The following MFSD8 variants were observed in gnomAD, a reference collection of about 807,000 sequenced individuals.
The protein encoded by MFSD8 is major facilitator superfamily domain containing 8.
Under a neutral mutation model 66.4 loss-of-function variants are expected in MFSD8, and 55 were observed. The observed-to-expected ratio is 0.83, with a 90% CI of 0.67 to 1.04. The LOEUF (loss-of-function observed/expected upper bound fraction) is 1.04, where lower values mean the gene tolerates loss of function less well. Among genes scored for constraint, MFSD8 ranks in the 50% least tolerant of loss-of-function variants. The pLI is 0.00. For synonymous variants in MFSD8, 202 were observed against 212.8 expected, an observed-to-expected ratio of 0.95 and a Z score of 0.44; for missense variants, 550 against 627.6, an observed-to-expected ratio of 0.88 and a Z score of 1.32.
In MFSD8 at chr4:127,930,156, G is replaced by C. The variant is rs144498398; in HGVS notation, c.998+527C>G. On this transcript the variant is annotated intron_variant, in intron 9 of 11. Coordinates refer to ENST00000641686, the MANE Select transcript of MFSD8 (RefSeq NM_001371596.2). ...AGCTATTCAGGAGGCTGAGATGAGA[G>C]GATCTCTTGAGCCCATCAGGCTGCA... 7.6e-3 allele frequency among the ~76,000 whole-genome samples: 1,151 copies of C among 152,194 alleles called. 10 individuals carry two copies. The highest frequency in any genetic ancestry group is 9.3e-3 in the Non-Finnish European group (631 of 68,016).
Position 127,919,896 on chromosome 4 carries a change from T to C in MFSD8, c.*734A>G, listed in dbSNP as rs1027710245. 10 of 152,126 alleles carry C rather than the reference T, an allele frequency of 6.6e-5. No individual in the cohort carries two copies. The highest frequency in any genetic ancestry group is 1.3e-4 in the Non-Finnish European group (9 of 68,034). The allele number at this position is 152,126 out of a possible 1,614,324, so 9.4% of individuals were successfully genotyped here. A position where few individuals can be genotyped will look rare whatever the true frequency, so the allele number is the denominator to read the frequency against. ...TGTTTCTAATGTGAATTTTTGGCAT[T>C]TGAAAGAAAGTAGGTATCCCTATTA... On this transcript the variant is annotated 3_prime_UTR_variant, in exon 12 of 12. Coordinates refer to ENST00000641686, the MANE Select transcript of MFSD8 (RefSeq NM_001371596.2).
intron 4 of MFSD8, 92 bp downstream of exon 4, chr4:127,943,660 G>C: frequency 6.8e-7 from 1 of 1,471,332 alleles, no homozygotes; most frequent in Non-Finnish European, 9.5e-7. Context: ...TGAAATATGA[G>C]TTTAAAAGGG....
chr4:127,939,898 G>A lies in MFSD8; in HGVS notation c.653C>T (p.Ala218Val). Reference sequence around the variant, plus strand: ...AATAATATTTAAAATTCCCAGGAAGGCGCTAAGTAAAACTGGTGTTGTATA... The same window carrying A: ...AATAATATTTAAAATTCCCAGGAAGACGCTAAGTAAAACTGGTGTTGTATA... Reference protein sequence around the residue: ...NMYTTPVLLSAFLGILNIILI... With the variant: ...NMYTTPVLLSVFLGILNIILI... The change falls in exon 6 of 12, where the codon GCC becomes GTC. Residue 218 changes from alanine to valine, a missense_variant. Transcript: ENST00000641686. 3.7e-6 allele frequency: 6 copies of A among 1,613,396 alleles called. No homozygotes were observed. The highest frequency in any genetic ancestry group is 1.1e-5 in the South Asian group (1 of 91,036).
chr4:127,945,806 C>T (rs898974445), intron 3 of MFSD8, among the ~76,000 whole-genome samples: 1 of 151,698 alleles, frequency 6.6e-6, no homozygotes, highest in Admixed American at 6.6e-5. Context: ...CTTCATTTGT[C>T]ATCTCTACTA....
intron 7 of MFSD8, among the ~76,000 whole-genome samples, chr4:127,936,164 G>A (rs1282999285): frequency 2.6e-5 from 4 of 151,974 alleles, no homozygotes; most frequent in African/African-American, 7.2e-5. Flanking sequence ...ACCCAGGCTG[G>A]AGTACGTGGC....
At position 127,944,041 on chromosome 4, in the gene MFSD8, TA is replaced by T; in HGVS notation, c.199-50del. On this transcript the variant is annotated intron_variant, in intron 3 of 11. Coordinates refer to ENST00000641686, the MANE Select transcript of MFSD8 (RefSeq NM_001371596.2). The stretch of plus-strand genomic sequence containing the variant: ...TAAGAATTGTTATCCAAGAAAAGTT[TA>T]AAACTAAATACATTTGTCATACCAT... 1.9e-6 allele frequency: 3 copies of T among 1,611,010 alleles called. No individual in the cohort carries two copies. The African/African-American group carries it at 4.0e-5, about 21-fold the overall frequency.
chr4:127,953,686 T>C (rs1188090137), intron 2 of MFSD8, among the ~76,000 whole-genome samples: 1 of 150,054 alleles, frequency 6.7e-6, no homozygotes, highest in East Asian at 2.0e-4. Context: ...GGTTTCACCA[T>C]ATTGGCCAGA....
At chr4:127,953,521 T>G (rs1353800936) in intron 2 of MFSD8, among the ~76,000 whole-genome samples, 1 of 150,222 alleles carries the variant, frequency 6.7e-6, no homozygotes. Flanking sequence ...GCACTTTTTC[T>G]GATATTTGCA....
chr4:127,965,501 C>T (rs767678746), upstream of MFSD8: 1 of 371,888 alleles, frequency 2.7e-6, no homozygotes, highest in Non-Finnish European at 5.1e-6. Context: ...GTTACCGGAG[C>T]TGCGATTGGG....
Position 127,943,993 on chromosome 4 carries a change from C to T in MFSD8, c.199-1G>A, listed in dbSNP as rs1449062348. The stretch of plus-strand genomic sequence containing the variant: ...AACTTGTATCAGCTGTCGGATCAAT[C>T]TGCAGAAAAAGGTACAGTGCTTTAA... On this transcript the variant is annotated splice_acceptor_variant, in intron 3 of 11. Coordinates refer to ENST00000641686, the MANE Select transcript of MFSD8 (RefSeq NM_001371596.2). LOFTEE classifies it high-confidence loss of function. 6.2e-7 allele frequency: 1 copy of T among 1,614,142 alleles called. No individual in the cohort carries two copies. Among genetic ancestry groups the T allele is most frequent in the Non-Finnish European group, 8.5e-7 (1 of 1,180,022 alleles).
intron 6 of MFSD8, chr4:127,939,627 AAAAAAC>A: frequency 3.1e-6 from 1 of 326,566 alleles, no homozygotes; most frequent in Non-Finnish European, 5.5e-6. Flanking sequence ...AAAAAAAAAA[AAAAAAC>A]TTTGAATCTT....
At chr4:127,964,372 G>T (rs998787561) in intron 1 of MFSD8, among the ~76,000 whole-genome samples, 5 of 152,240 alleles carry the variant, frequency 3.3e-5, no homozygotes, top group African/African-American at 1.2e-4. Context: ...CAGGTCCCGA[G>T]CCCTGCCCCG....
chr4:127,924,209 G>A (rs1736825692), intron 9 of MFSD8, among the ~76,000 whole-genome samples: 1 of 152,076 alleles, frequency 6.6e-6, no homozygotes, highest in Admixed American at 6.6e-5. Flanking sequence ...CTTCTTCCTG[G>A]TTTAGTCTTG....
intron 3 of MFSD8, among the ~76,000 whole-genome samples, chr4:127,946,542 A>C (rs539913442): frequency 6.6e-6 from 1 of 152,320 alleles, no homozygotes; most frequent in African/African-American, 2.4e-5. Context: ...TAAACCAGTA[A>C]AAAGTAAAAT....
At chr4:127,944,860 A>G (rs1740781608) in intron 3 of MFSD8, among the ~76,000 whole-genome samples, 1 of 152,056 alleles carries the variant, frequency 6.6e-6, no homozygotes, top group Non-Finnish European at 1.5e-5. Context: ...GGGTCTCCCT[A>G]TGTTGCCCAG....
rs181830626 is a variant in MFSD8, at chr4:127,958,239, C to T, written c.63-647G>A. On this transcript the variant is annotated intron_variant, in intron 1 of 11. Coordinates refer to ENST00000641686, the MANE Select transcript of MFSD8 (RefSeq NM_001371596.2). ...CTGATCTGGACCAAAGGCATGTATACTAAGTAGATATCTTACCTCCATTAG... is the reference window on the plus strand; with the variant it reads ...CTGATCTGGACCAAAGGCATGTATATTAAGTAGATATCTTACCTCCATTAG... Among the ~76,000 whole-genome samples, 613 of 152,256 alleles carry T rather than the reference C, an allele frequency of 4.0e-3. 3 individuals are homozygous for T. Among genetic ancestry groups the T allele is most frequent in the African/African-American group, 0.014 (588 of 41,548 alleles).
chr4:127,939,946 ACATCC>A lies in MFSD8; in HGVS notation c.600_604del (p.Trp200CysfsTer3). 1.9e-6 allele frequency: 3 copies of A among 1,613,696 alleles called. No homozygotes were observed. The highest frequency in any genetic ancestry group is 2.5e-6 in the Non-Finnish European group (3 of 1,179,786). Reference sequence around the variant, plus strand: ...ATACATGTTTATCTGCAGTTTAATCACATCCCATGTCACACCTTTTTCTCCAAGGA... The same window carrying A: ...ATACATGTTTATCTGCAGTTTAATCACATGTCACACCTTTTTCTCCAAGGA... On this transcript the variant is annotated frameshift_variant, in exon 6 of 12. Transcript: ENST00000641686. LOFTEE classifies it high-confidence loss of function.
intron 2 of MFSD8, among the ~76,000 whole-genome samples, chr4:127,956,660 A>C (rs1390749634): frequency 6.6e-6 from 1 of 151,912 alleles, no homozygotes; most frequent in East Asian, 1.9e-4. Context: ...CTCTACTAAA[A>C]ATACAAAATT....
upstream of MFSD8, chr4:127,965,582 A>C: frequency 4.4e-6 from 1 of 226,716 alleles, no homozygotes; most frequent in Non-Finnish European, 9.0e-6. Flanking sequence ...GGCCAGCTCG[A>C]TCGCAGGCTT....
Sources: gnomAD v4.1 joint callset for allele counts (sites outside exome capture counted in the v4.1 genomes callset) on GRCh38, gnomAD v4.1.1 for gene constraint, MANE v1.5 for transcripts, NCBI Gene and HGNC (gene_info 2026-07-23, HGNC 2026-07-21) for gene names.